The following STAT1 variants were observed in gnomAD, a reference collection of about 807,000 sequenced individuals.
STAT1 encodes the protein signal transducer and activator of transcription 1, also known as signal transducer and activator of transcription 1-alpha/beta.
In STAT1, 24 loss-of-function variants were observed where a neutral mutation model predicts 111.7. That is an observed-to-expected ratio of 0.21 (90% CI 0.16 to 0.30). STAT1 has a LOEUF of 0.30. STAT1 is among the 10% of genes least tolerant of loss of function. STAT1 has a pLI of 1.00. For missense variants in STAT1, 351 were observed against 911.9 expected (o/e 0.38, Z 7.92); for synonymous variants, 332 against 326.5 (o/e 1.02, Z -0.18).
rs1367264769 is a variant in STAT1, at chr2:190,986,803, A to G, written c.1221+51T>C. ...TGCCAAAAAGGGCTGCTCTATTGTC[A>G]AAAGTCCTAAGAAACCAGAGACAAC... is the stretch of plus-strand genomic sequence containing the variant. On this transcript the variant is annotated intron_variant, in intron 14 of 24. Coordinates refer to ENST00000361099, the MANE Select transcript of STAT1 (RefSeq NM_007315.4). The surrounding 1 kb of genome is among the most constrained non-coding windows in gnomAD (Gnocchi z 5.0). 1.9e-6 allele frequency: 3 copies of G among 1,572,384 alleles called. No individual in the cohort carries two copies. The highest frequency in any genetic ancestry group is 1.3e-5 in the African/African-American group (1 of 74,228).
chr2:190,984,540 G>T lies in STAT1; in HGVS notation c.1264-147C>A. On this transcript the variant is annotated intron_variant, in intron 15 of 24. Coordinates refer to ENST00000361099, the MANE Select transcript of STAT1 (RefSeq NM_007315.4). This position sits in a 1 kb window ranked among gnomAD's most constrained non-coding sequence, Gnocchi z 5.2. ...AAGACTCAATATTCAATCTCTCCCA[G>T]ATTTAATGATTCTTAGTATCTCAGT... is the stretch of plus-strand genomic sequence containing the variant. The T allele has an allele frequency of 1.4e-6, 1 of 695,144 alleles. No individual in the cohort carries two copies. The highest frequency in any genetic ancestry group is 2.6e-6 in the Non-Finnish European group (1 of 388,232). The allele number at this position is 695,144 out of a possible 1,614,324, so 43.1% of individuals were successfully genotyped here.
In STAT1 at chr2:190,997,732, A is replaced by C. The variant is rs1693963025; in HGVS notation, c.785+124T>G. The stretch of plus-strand genomic sequence containing the variant: ...TGTTTCCAGGGTAAGCAGAAGCTGG[A>C]CTATGTCAAACTCTATACTAATGTT... On this transcript the variant is annotated intron_variant, in intron 9 of 24. Coordinates refer to ENST00000361099, the MANE Select transcript of STAT1 (RefSeq NM_007315.4). This position sits in a 1 kb window ranked among gnomAD's most constrained non-coding sequence, Gnocchi z 7.3. 2.1e-6 allele frequency: 3 copies of C among 1,428,240 alleles called. No individual in the cohort carries two copies. The Admixed American group carries it at 5.3e-5, about 25-fold the overall frequency. The allele number at this position is 1,428,240 out of a possible 1,614,324, so 88.5% of individuals were successfully genotyped here. A position where few individuals can be genotyped will look rare whatever the true frequency, so the allele number is the denominator to read the frequency against.
At chr2:190,972,409 G>A (rs1165254767) in intron 24 of STAT1, among the ~76,000 whole-genome samples, 1 of 152,212 alleles carries the variant, frequency 6.6e-6, no homozygotes, top group African/African-American at 2.4e-5. Context: ...TCATACTGCA[G>A]AGAACACTGG....
At position 190,999,821 on chromosome 2, in the gene STAT1, A is replaced by C; in HGVS notation, c.463-117T>G. The C allele has an allele frequency of 2.7e-6, 2 of 735,206 alleles. No individual in the cohort carries two copies. The highest frequency in any genetic ancestry group is 4.8e-6 in the Non-Finnish European group (2 of 414,672). The allele number at this position is 735,206 out of a possible 1,614,324, so 45.5% of individuals were successfully genotyped here. ...ACACGAAAACAATTCCATCTCCCCC[A>C]AAAAGAGATCTGACTTGGACAGTTC... On this transcript the variant is annotated intron_variant, in intron 6 of 24. Coordinates refer to ENST00000361099, the MANE Select transcript of STAT1 (RefSeq NM_007315.4). The surrounding 1 kb of genome is among the most constrained non-coding windows in gnomAD (Gnocchi z 4.1).
rs1379370130 is a variant in STAT1, at chr2:191,004,782, T to C, written c.372+2781A>G. Reference sequence around the variant, plus strand: ...TGAAACATGATAAGCACTCAGCATATGGTAACCATTAGTCCTTAAGAACAC... The same window carrying C: ...TGAAACATGATAAGCACTCAGCATACGGTAACCATTAGTCCTTAAGAACAC... On this transcript the variant is annotated intron_variant, in intron 5 of 24. Coordinates refer to ENST00000361099, the MANE Select transcript of STAT1 (RefSeq NM_007315.4). This position sits in a 1 kb window ranked among gnomAD's most constrained non-coding sequence, Gnocchi z 5.0. Among the ~76,000 whole-genome samples the C allele has an allele frequency of 6.6e-6, 1 of 152,206 alleles. No homozygotes were observed. The highest frequency in any genetic ancestry group is 1.5e-5 in the Non-Finnish European group (1 of 68,030).
chr2:190,993,373 C>A lies in STAT1; in HGVS notation c.944+1688G>T, dbSNP rs1693544383. ...GAAACCTTTCCTGTTCTGCTGTGTT[C>A]CATATTTGAAGCTTGATTGTTTTCC... On this transcript the variant is annotated intron_variant, in intron 10 of 24. Coordinates refer to ENST00000361099, the MANE Select transcript of STAT1 (RefSeq NM_007315.4). This position sits in a 1 kb window ranked among gnomAD's most constrained non-coding sequence, Gnocchi z 4.1. 3 of 1,219,296 alleles carry A rather than the reference C, an allele frequency of 2.5e-6. No homozygotes were observed. The highest frequency in any genetic ancestry group is 3.0e-5 in the African/African-American group (2 of 66,102). The allele number at this position is 1,219,296 out of a possible 1,614,324, so 75.5% of individuals were successfully genotyped here.
intron 4 of STAT1, among the ~76,000 whole-genome samples, chr2:191,008,478 C>T (rs1694872020): frequency 6.6e-6 from 1 of 152,174 alleles, no homozygotes; most frequent in Admixed American, 6.5e-5. Flanking sequence ...GCCAACTCCA[C>T]CAGAAGCAAG....
At position 190,975,248 on chromosome 2, in the gene STAT1, C is replaced by T; in HGVS notation, c.2136-316G>A. The T allele has an allele frequency of 2.4e-5, 11 of 460,972 alleles. No homozygotes were observed. The highest frequency in any genetic ancestry group is 1.7e-4 in the South Asian group (10 of 57,744). 28.6% of individuals were successfully genotyped at this position (460,972 alleles called of 1,614,324 possible). ...GTGCACTACCCTGAGATGACAATGCCTCGTGGCTTACCCTGGACAGAAAAG... is the reference window on the plus strand; with the variant it reads ...GTGCACTACCCTGAGATGACAATGCTTCGTGGCTTACCCTGGACAGAAAAG... On this transcript the variant is annotated intron_variant, in intron 23 of 24. Coordinates refer to ENST00000361099, the MANE Select transcript of STAT1 (RefSeq NM_007315.4). This position sits in a 1 kb window ranked among gnomAD's most constrained non-coding sequence, Gnocchi z 5.9.
Position 190,998,172 on chromosome 2 carries a change from G to A in STAT1, c.633+45C>T, listed in dbSNP as rs942538560. The stretch of plus-strand genomic sequence containing the variant: ...CTAAACTTTGAGTCCATTATTTACA[G>A]TGTATAACAAAAGTGGCATGCTATT... On this transcript the variant is annotated intron_variant, in intron 8 of 24. Transcript: ENST00000361099. This position sits in a 1 kb window ranked among gnomAD's most constrained non-coding sequence, Gnocchi z 4.1. 6.3e-7 allele frequency: 1 copy of A among 1,577,994 alleles called. No homozygotes were observed. Among genetic ancestry groups the A allele is most frequent in the Non-Finnish European group, 8.7e-7 (1 of 1,147,738 alleles).
At position 190,990,825 on chromosome 2, in the gene STAT1, C is replaced by A. The variant is rs1216051682; in HGVS notation, c.1037+403G>T. Among the ~76,000 whole-genome samples the A allele has an allele frequency of 1.3e-5, 2 of 152,284 alleles. No homozygotes were observed. Among genetic ancestry groups the A allele is most frequent in the South Asian group, 2.1e-4 (1 of 4,822 alleles). Reference sequence around the variant, plus strand: ...AAACTGATGAAAGCTATAAATCCATCCATCAGAAAAATGTACATGTTATAA... The same window carrying A: ...AAACTGATGAAAGCTATAAATCCATACATCAGAAAAATGTACATGTTATAA... On this transcript the variant is annotated intron_variant, in intron 11 of 24. Coordinates refer to ENST00000361099, the MANE Select transcript of STAT1 (RefSeq NM_007315.4). The surrounding 1 kb of genome is among the most constrained non-coding windows in gnomAD (Gnocchi z 5.1).
chr2:191,012,482 C>T lies in STAT1; in HGVS notation c.-2+1043G>A, dbSNP rs1695217100. 6.6e-6 allele frequency among the ~76,000 whole-genome samples: 1 copy of T among 151,990 alleles called. No individual in the cohort carries two copies. Among genetic ancestry groups the T allele is most frequent in the Admixed American group, 6.5e-5 (1 of 15,272 alleles). ...ATCTGGAGTCAGTCTCATCTACTCACAAAACCTGTTACCAACTCAGGGAGT... is the reference window on the plus strand; with the variant it reads ...ATCTGGAGTCAGTCTCATCTACTCATAAAACCTGTTACCAACTCAGGGAGT... On this transcript the variant is annotated intron_variant, in intron 2 of 24. Transcript: ENST00000361099. This position sits in a 1 kb window ranked among gnomAD's most constrained non-coding sequence, Gnocchi z 4.0.
chr2:190,993,618 T>C lies in STAT1; in HGVS notation c.944+1443A>G. 1 of 579,630 alleles carries C rather than the reference T, an allele frequency of 1.7e-6. No individual in the cohort carries two copies. The highest frequency in any genetic ancestry group is 1.5e-5 in the South Asian group (1 of 65,206). 35.9% of individuals were successfully genotyped at this position (579,630 alleles called of 1,614,324 possible). Reference sequence around the variant, plus strand: ...CGGCCACCCTTGCTGCTACAGCTGCTGCCCTGACTCTCTGCACCACGGGTA... The same window carrying C: ...CGGCCACCCTTGCTGCTACAGCTGCCGCCCTGACTCTCTGCACCACGGGTA... On this transcript the variant is annotated intron_variant, in intron 10 of 24. Coordinates refer to ENST00000361099, the MANE Select transcript of STAT1 (RefSeq NM_007315.4). The surrounding 1 kb of genome is among the most constrained non-coding windows in gnomAD (Gnocchi z 4.1).
At chr2:190,991,518 G>C (rs1301972769) in intron 10 of STAT1, among the ~76,000 whole-genome samples, 198 bp from the exon 11 acceptor site, 2 of 152,106 alleles carry the variant, frequency 1.3e-5, no homozygotes, top group Non-Finnish European at 2.9e-5. Flanking sequence ...GGACTTAACA[G>C]AAACAGAATA....
In STAT1 at chr2:191,000,869, C is replaced by A. The variant is rs1326632153; in HGVS notation, c.462+205G>T. Among the ~76,000 whole-genome samples, 1 of 152,104 alleles carries A rather than the reference C, an allele frequency of 6.6e-6. No homozygotes were observed. Among genetic ancestry groups the A allele is most frequent in the African/African-American group, 2.4e-5 (1 of 41,436 alleles). On this transcript the variant is annotated intron_variant, in intron 6 of 24. Transcript: ENST00000361099. The surrounding 1 kb of genome is among the most constrained non-coding windows in gnomAD (Gnocchi z 4.8). ...AGAAAAAGCTAAACTCAATGTTTGG[C>A]AGTTATAAGAGGCCATTCAAAAAGT... is the stretch of plus-strand genomic sequence containing the variant.
At chr2:190,972,814 A>AGG (rs1382209347) in intron 24 of STAT1, among the ~76,000 whole-genome samples, 29 of 108,422 alleles carry the variant, frequency 2.7e-4, no homozygotes, top group Non-Finnish European at 2.6e-4. Context: ...TGGTGTATAG[A>AGG]GGGTGTGTGT....
chr2:190,981,627 A>G lies in STAT1; in HGVS notation c.1582+756T>C, dbSNP rs1692400369. Among the ~76,000 whole-genome samples the G allele has an allele frequency of 1.3e-5, 2 of 152,250 alleles. No individual in the cohort carries two copies. Among genetic ancestry groups the G allele is most frequent in the Non-Finnish European group, 2.9e-5 (2 of 68,042 alleles). ...GTGACAGCTGCATATCCAAGAGAAG[A>G]AGGCACTGTTGAAAGTCACTGAGTT... On this transcript the variant is annotated intron_variant, in intron 18 of 24. Coordinates refer to ENST00000361099, the MANE Select transcript of STAT1 (RefSeq NM_007315.4). The surrounding 1 kb of genome is among the most constrained non-coding windows in gnomAD (Gnocchi z 4.1).
At chr2:191,011,912 G>A (rs1182056948) in intron 2 of STAT1, among the ~76,000 whole-genome samples, 1 of 151,830 alleles carries the variant, frequency 6.6e-6, no homozygotes, top group Non-Finnish European at 1.5e-5. Context: ...CAAGAAGCCT[G>A]GCTAATTTTT....
intron 5 of STAT1, among the ~76,000 whole-genome samples, chr2:191,001,952 C>T (rs72909270): frequency 0.048 from 7,254 of 152,298 alleles, 251 homozygotes; most frequent in Middle Eastern, 0.12. Context: ...ATCCCCCACA[C>T]AGCAAAAACT....
rs1310404124 is a variant in STAT1 at position 190,987,746 on chromosome 2, T to C, written c.1098-678A>G. Among the ~76,000 whole-genome samples the C allele has an allele frequency of 2.0e-5, 3 of 152,204 alleles. No individual in the cohort carries two copies. Among genetic ancestry groups the C allele is most frequent in the Non-Finnish European group, 2.9e-5 (2 of 68,040 alleles). On this transcript the variant is annotated intron_variant, in intron 12 of 24. Coordinates refer to ENST00000361099, the MANE Select transcript of STAT1 (RefSeq NM_007315.4). This position sits in a 1 kb window ranked among gnomAD's most constrained non-coding sequence, Gnocchi z 4.0. Reference sequence around the variant, plus strand: ...ATCCGTGAGCGTCCTAGATGTAGACTAGAAATCATGGGCTCACTCACAGAT... The same window carrying C: ...ATCCGTGAGCGTCCTAGATGTAGACCAGAAATCATGGGCTCACTCACAGAT...
Sources: gnomAD v4.1 joint callset for allele counts (sites outside exome capture counted in the v4.1 genomes callset) on GRCh38, gnomAD v4.1.1 for gene constraint, Gnocchi (gnomAD v3.1) non-coding constraint, MANE v1.5 for transcripts, NCBI Gene and HGNC (gene_info 2026-07-23, HGNC 2026-07-21) for gene names.